The following PPME1 variants were observed in gnomAD, a reference collection of about 807,000 sequenced individuals.
PPME1 encodes the protein protein phosphatase methylesterase 1, also known as testicular secretory protein Li 39.
A neutral mutation model predicts 56.9 loss-of-function variants in PPME1; 17 were observed. The observed-to-expected ratio is 0.30, with a 90% confidence interval of 0.20 to 0.45. The LOEUF is 0.45. Among genes scored for constraint, PPME1 ranks in the 20% least tolerant of loss-of-function variants. PPME1 has a pLI of 1.00. For missense variants in PPME1, 357 were observed against 483.2 expected, an observed-to-expected ratio of 0.74 and a Z score of 2.45; for synonymous variants, 122 against 156.2, an observed-to-expected ratio of 0.78 and a Z score of 1.63.
At position 74,204,441 on chromosome 11, in the gene PPME1, T is replaced by C; in HGVS notation, c.284T>C (p.Phe95Ser). The C allele has an allele frequency of 6.2e-7, 1 of 1,608,994 alleles. No homozygotes were observed. Among genetic ancestry groups the C allele is most frequent in the Non-Finnish European group, 8.5e-7 (1 of 1,175,786 alleles). The part of the protein sequence containing the change: ...GGHSALSWAV[F>S]TAAIISRVQC... ...CATTCTGCCCTTTCTTGGGCTGTGT[T>C]CACGGTAAGTAGGTTGTTGATAGTA... The change falls in exon 3 of 14, where the codon TTC (phenylalanine) becomes TCC (serine). Residue 95 changes from phenylalanine to serine, a missense_variant. Phe to Ser is a radical substitution (Grantham distance 155, BLOSUM62 -2). This residue lies in a region of PPME1 where 175 missense variants were observed against 189.4 expected (regional missense o/e 0.92). Coordinates refer to ENST00000328257, the MANE Select transcript of PPME1 (RefSeq NM_016147.3).
intron 1 of PPME1, 87 bp from the exon 2 acceptor site, chr11:74,203,641 A>G: frequency 4.4e-6 from 4 of 901,476 alleles, no homozygotes; most frequent in Non-Finnish European, 6.9e-6. Context: ...TGTTTTCATT[A>G]CTGACTTACA....
chr11:74,189,339 A>AGTGTCACCCAC (rs1327979146), intron 1 of PPME1, among the ~76,000 whole-genome samples: 57 of 152,288 alleles, frequency 3.7e-4, no homozygotes, highest in Middle Eastern at 6.8e-3. Context: ...ACCCAGGCTG[A>AGTGTCACCCAC]TGTGCAGTGG....
At chr11:74,213,076 TG>T (rs1473003688) in intron 3 of PPME1, among the ~76,000 whole-genome samples, 1 of 152,170 alleles carries the variant, frequency 6.6e-6, no homozygotes, top group African/African-American at 2.4e-5. Context: ...ACAGCATTTC[TG>T]GACCTACCCT....
intron 2 of PPME1, 93 bp downstream of exon 2, chr11:74,203,914 G>C: frequency 1.1e-6 from 1 of 899,016 alleles, no homozygotes. Context: ...CTTTATTCCT[G>C]CTACTTATTT....
Position 74,230,832 on chromosome 11 carries a change from G to C in PPME1, c.554-80G>C. On this transcript the variant is annotated intron_variant, in intron 6 of 13. Transcript: ENST00000328257. The surrounding 1 kb of genome is among the most constrained non-coding windows in gnomAD (Gnocchi z 4.9). ...CTAAATTCTGCTGTCATCAAGAGCA[G>C]ATATATAGTAGTTGACTCAGTAAGT... The C allele has an allele frequency of 9.5e-7, 1 of 1,047,218 alleles. No homozygotes were observed. Among genetic ancestry groups the C allele is most frequent in the South Asian group, 1.4e-5 (1 of 72,288 alleles). The allele number at this position is 1,047,218 out of a possible 1,614,324, so 64.9% of individuals were successfully genotyped here.
rs574708401 is a variant in PPME1 at position 74,197,296 on chromosome 11, T to C, written c.102-6432T>C. ...TAATTCACTTCAGACTGTCAACAGA[T>C]ATTAGTCATTGATGTGTATCAGGCT... On this transcript the variant is annotated intron_variant, in intron 1 of 13. Transcript: ENST00000328257. Among the ~76,000 whole-genome samples, 111 of 152,374 alleles carry C rather than the reference T, an allele frequency of 7.3e-4. 1 individual carries two copies. Among genetic ancestry groups the C allele is most frequent in the Non-Finnish European group, 2.6e-4 (18 of 68,042 alleles).
chr11:74,253,735 G>C lies in PPME1; in HGVS notation c.*225G>C, dbSNP rs2135689780. The C allele has an allele frequency of 1.6e-6, 1 of 607,222 alleles. No individual in the cohort carries two copies. The highest frequency in any genetic ancestry group is 2.9e-6 in the Non-Finnish European group (1 of 341,102). The allele number at this position is 607,222 out of a possible 1,614,324, so 37.6% of individuals were successfully genotyped here. On this transcript the variant is annotated 3_prime_UTR_variant, in exon 14 of 14. Transcript: ENST00000328257. ...GGCTTCCCCAGTCCAGGGCTCCCCTGCTCCTTTCCCTTCCCTGTACTGGGG... is the reference window on the plus strand; with the variant it reads ...GGCTTCCCCAGTCCAGGGCTCCCCTCCTCCTTTCCCTTCCCTGTACTGGGG...
intron 1 of PPME1, 109 bp downstream of exon 1, chr11:74,171,631 A>C: frequency 7.4e-7 from 1 of 1,357,770 alleles, no homozygotes; most frequent in Non-Finnish European, 9.8e-7. Flanking sequence ...ATAGGAGAAA[A>C]TGTTGGCGGC....
At chr11:74,185,116 C>T (rs1332980128) in intron 1 of PPME1, among the ~76,000 whole-genome samples, 1 of 150,348 alleles carries the variant, frequency 6.7e-6, no homozygotes, top group East Asian at 2.0e-4. Flanking sequence ...TCTCCTGCCT[C>T]AGCCTCCTGA....
chr11:74,251,112 C>T, intron 12 of PPME1, 94 bp downstream of exon 12: 1 of 1,531,764 alleles, frequency 6.5e-7, no homozygotes, highest in Non-Finnish European at 8.8e-7. Context: ...CCTGCATTGC[C>T]TGCAGCAGCT....
intron 3 of PPME1, among the ~76,000 whole-genome samples, chr11:74,210,959 G>T (rs1858457618): frequency 6.6e-6 from 1 of 152,104 alleles, no homozygotes; most frequent in Admixed American, 6.5e-5. Context: ...ATTATGTGAA[G>T]ATATTCTCTC....
chr11:74,247,295 T>C (rs1591069625), intron 11 of PPME1, among the ~76,000 whole-genome samples, 172 bp downstream of exon 11: 1 of 152,204 alleles, frequency 6.6e-6, no homozygotes, highest in East Asian at 1.9e-4. Context: ...GGCAAGTATT[T>C]CCCTTTCCTG....
intron 7 of PPME1, 42 bp from the exon 8 acceptor site, chr11:74,235,859 G>A (rs753848594): frequency 3.2e-6 from 5 of 1,580,774 alleles, no homozygotes; most frequent in Non-Finnish European, 2.6e-6. Context: ...TGATACAATA[G>A]ATACTGAATA....
chr11:74,190,058 A>C (rs1233670426), intron 1 of PPME1, among the ~76,000 whole-genome samples: 1 of 152,236 alleles, frequency 6.6e-6, no homozygotes, highest in African/African-American at 2.4e-5. Context: ...CAGAGCAAGA[A>C]ATGATGTCAG....
chr11:74,191,669 A>G (rs748251030), intron 1 of PPME1, among the ~76,000 whole-genome samples: 6 of 152,162 alleles, frequency 3.9e-5, no homozygotes, highest in Non-Finnish European at 7.4e-5. Context: ...CTGGCTACTC[A>G]TGCTCCAGCC....
intron 13 of PPME1, among the ~76,000 whole-genome samples, chr11:74,252,022 C>T (rs866965345): frequency 6.6e-6 from 1 of 151,730 alleles, no homozygotes; most frequent in South Asian, 2.1e-4. Flanking sequence ...GGAATCAGTC[C>T]TTTTCCAGGC....
intron 1 of PPME1, among the ~76,000 whole-genome samples, chr11:74,201,210 C>T (rs1056922342): frequency 4.6e-5 from 7 of 151,644 alleles, no homozygotes; most frequent in African/African-American, 1.2e-4. Context: ...CTCCTGACCT[C>T]GTGATCTGCC....
intron 9 of PPME1, among the ~76,000 whole-genome samples, chr11:74,242,648 A>G (rs1859391287): frequency 6.6e-6 from 1 of 151,984 alleles, no homozygotes. Context: ...TGGGAGGCCG[A>G]GGTGGGTGGA....
At position 74,251,725 on chromosome 11, in the gene PPME1, G is replaced by GT; in HGVS notation, c.1142+11dup. 6.2e-7 allele frequency: 1 copy of GT among 1,613,908 alleles called. No individual in the cohort carries two copies. The highest frequency in any genetic ancestry group is 1.3e-5 in the African/African-American group (1 of 75,032). On this transcript the variant is annotated intron_variant, in intron 13 of 13. Coordinates refer to ENST00000328257, the MANE Select transcript of PPME1 (RefSeq NM_016147.3). The stretch of plus-strand genomic sequence containing the variant: ...TCGGTGGATTCCAGTGGTAAGGCGG[G>GT]TACAAGGGTTTAAGAACCCAGCAGT...
Sources: allele counts gnomAD v4.1 joint callset (sites outside exome capture counted in the v4.1 genomes callset), GRCh38; gene constraint gnomAD v4.1.1; regional missense constraint gnomAD v4.1.1; non-coding constraint Gnocchi (gnomAD v3.1); transcripts MANE v1.5; gene names NCBI Gene and HGNC (gene_info 2026-07-23, HGNC 2026-07-21).